Variants in GDF11 observed in about 807,000 individuals in gnomAD.
The protein encoded by GDF11 is growth differentiation factor 11.
A neutral mutation model predicts 34.4 loss-of-function variants in GDF11; 12 were observed. That is an observed-to-expected ratio of 0.35 (90% confidence interval 0.22 to 0.57). The LOEUF is 0.57. Ranked by LOEUF, GDF11 falls within the 20% of genes least tolerant of loss-of-function variation. The probability of loss-of-function intolerance (pLI) is 0.86; values close to 1 mark genes in which losing one functional copy is unlikely to be tolerated. For missense variants in GDF11, 346 were observed against 548.2 expected (o/e 0.63, Z 3.68); for synonymous variants, 212 against 231.1 (o/e 0.92, Z 0.75).
In GDF11 at chr12:55,751,572, G is replaced by A. The variant is rs1342972452; in HGVS notation, c.*1690G>A. On this transcript the variant is annotated 3_prime_UTR_variant, in exon 3 of 3. Coordinates refer to ENST00000257868, the MANE Select transcript of GDF11 (RefSeq NM_005811.5). ...ATAACCAGGGCACCAGAGTAGTGGT[G>A]AAGAGATGTGAGGCTTAAGAGGAGT... 1.3e-5 allele frequency: 2 copies of A among 152,232 alleles called. No homozygotes were observed. The highest frequency in any genetic ancestry group is 2.9e-5 in the Non-Finnish European group (2 of 68,058). The allele number at this position is 152,232 out of a possible 1,614,324, so 9.4% of individuals were successfully genotyped here.
Position 55,750,170 on chromosome 12 carries a change from G to A in GDF11, c.*288G>A. 2.8e-6 allele frequency: 1 copy of A among 359,462 alleles called. No homozygotes were observed. 22.3% of individuals were successfully genotyped at this position (359,462 alleles called of 1,614,324 possible). A position where few individuals can be genotyped will look rare whatever the true frequency, so the allele number is the denominator to read the frequency against. On this transcript the variant is annotated 3_prime_UTR_variant, in exon 3 of 3. Coordinates refer to ENST00000257868, the MANE Select transcript of GDF11 (RefSeq NM_005811.5). The stretch of plus-strand genomic sequence containing the variant: ...TGTAGAGACAGTGATAGAGACAGAG[G>A]AACAAAAAGAGCAGCAGTGAGAAGG...
At position 55,754,282 on chromosome 12, in the gene GDF11, CA is replaced by C. The variant is rs1223568642; in HGVS notation, c.*4402del. The stretch of plus-strand genomic sequence containing the variant: ...AGAGAACACCCAAAAAAAGACTACT[CA>C]AGATGACTTTTTACAAGTCTTTTCT... On this transcript the variant is annotated 3_prime_UTR_variant, in exon 3 of 3. Coordinates refer to ENST00000257868, the MANE Select transcript of GDF11 (RefSeq NM_005811.5). 6.6e-6 allele frequency: 1 copy of C among 152,226 alleles called. No homozygotes were observed. The highest frequency in any genetic ancestry group is 1.9e-4 in the East Asian group (1 of 5,202). The allele number at this position is 152,226 out of a possible 1,614,324, so 9.4% of individuals were successfully genotyped here. A position where few individuals can be genotyped will look rare whatever the true frequency, so the allele number is the denominator to read the frequency against.
rs953883546 is a variant in GDF11, at chr12:55,752,458, C to T, written c.*2576C>T. ...CTCATTCCCCTGTTCCTCCCTACCC[C>T]CAAAGAGGCACAGAGTGAAGGGACT... On this transcript the variant is annotated 3_prime_UTR_variant, in exon 3 of 3. Transcript: ENST00000257868. 2 of 152,042 alleles carry T rather than the reference C, an allele frequency of 1.3e-5. No homozygotes were observed. Among genetic ancestry groups the T allele is most frequent in the Non-Finnish European group, 2.9e-5 (2 of 68,014 alleles). The allele number at this position is 152,042 out of a possible 1,614,324, so 9.4% of individuals were successfully genotyped here. A position where few individuals can be genotyped will look rare whatever the true frequency, so the allele number is the denominator to read the frequency against.
intron 1 of GDF11, among the ~76,000 whole-genome samples, chr12:55,745,400 C>T (rs1878159879): frequency 6.6e-6 from 1 of 152,016 alleles, no homozygotes; most frequent in South Asian, 2.1e-4. Flanking sequence ...ACCCTGCCTT[C>T]ATGAGTTGGG....
rs151157196 is a variant in GDF11, at chr12:55,748,787, G to A, written c.647G>A (p.Arg216Gln). 1.1e-5 allele frequency: 18 copies of A among 1,614,170 alleles called. No individual in the cohort carries two copies. The highest frequency in any genetic ancestry group is 8.0e-5 in the African/African-American group (6 of 75,066). The stretch of plus-strand genomic sequence containing the variant: ...ACCGCAGGGGGAGGGGGCGGAGGCC[G>A]GCGTCACATCCGTATCCGCTCACTG... The part of the protein sequence containing the change: ...EGTAGGGGGG[R>Q]RHIRIRSLKI... Residue 216 changes from arginine to glutamine, a missense_variant, in exon 2 of 3, where the codon CGG becomes CAG. By Grantham distance (43) the Arg-to-Gln change is conservative. Around this residue, in one of 3 missense-constraint regions of GDF11, gnomAD observed 205 missense variants for 311.3 expected, o/e 0.66. Coordinates refer to ENST00000257868, the MANE Select transcript of GDF11 (RefSeq NM_005811.5). This position sits in a 1 kb window ranked among gnomAD's most constrained non-coding sequence, Gnocchi z 5.6.
rs1469073323 is a variant in GDF11, at chr12:55,754,831, T to TC, written c.*4950dup. On this transcript the variant is annotated 3_prime_UTR_variant, in exon 3 of 3. Transcript: ENST00000257868. Reference sequence around the variant, plus strand: ...AAAGAGAATGATTATCTGCGCAGGGTCTCAGAGCTAGTGTGGTAGAATAAG... The same window carrying TC: ...AAAGAGAATGATTATCTGCGCAGGGTCCTCAGAGCTAGTGTGGTAGAATAAG... The TC allele has an allele frequency of 1.3e-5, 2 of 152,156 alleles. No individual in the cohort carries two copies. The highest frequency in any genetic ancestry group is 2.4e-5 in the African/African-American group (1 of 41,438). 9.4% of individuals were successfully genotyped at this position (152,156 alleles called of 1,614,324 possible). A position where few individuals can be genotyped will look rare whatever the true frequency, so the allele number is the denominator to read the frequency against.
At chr12:55,745,441 G>A (rs989073570) in intron 1 of GDF11, among the ~76,000 whole-genome samples, 1 of 151,912 alleles carries the variant, frequency 6.6e-6, no homozygotes, top group Non-Finnish European at 1.5e-5. Flanking sequence ...TCGGTGGGAA[G>A]GGGACACCAG....
intron 1 of GDF11, 48 bp downstream of exon 1, chr12:55,743,809 G>A: frequency 7.1e-7 from 1 of 1,414,546 alleles, no homozygotes; most frequent in South Asian, 1.4e-5. Flanking sequence ...CTCTGGCCCC[G>A]CGAAGGGCGC....
In GDF11 at chr12:55,743,512, G is replaced by T. The variant is rs1878110166; in HGVS notation, c.196G>T (p.Val66Phe). The change falls in exon 1 of 3, where the codon GTT becomes TTT. Residue 66 changes from valine (V) to phenylalanine (F), a missense_variant. Physicochemically the swap from Val to Phe is conservative, Grantham distance 50. Transcript: ENST00000257868. ...CGAGCCGGACGGCTGCCCCGTGTGC[G>T]TTTGGCGGCAGCACAGCCGCGAGCT... ...APEPDGCPVC[V>F]WRQHSRELRL... The T allele has an allele frequency of 6.3e-7, 1 of 1,592,526 alleles. No individual in the cohort carries two copies. The highest frequency in any genetic ancestry group is 1.1e-5 in the South Asian group (1 of 90,008).
Position 55,750,211 on chromosome 12 carries a change from A to G in GDF11, c.*329A>G. On this transcript the variant is annotated 3_prime_UTR_variant, in exon 3 of 3. Coordinates refer to ENST00000257868, the MANE Select transcript of GDF11 (RefSeq NM_005811.5). ...AGTGAGAAGGCAAAGAGAGAGGCAG[A>G]AGAGACAGACGAGGCAGAGACAAAA... The G allele has an allele frequency of 3.6e-6, 1 of 280,702 alleles. No homozygotes were observed. Among genetic ancestry groups the G allele is most frequent in the Non-Finnish European group, 6.7e-6 (1 of 149,104 alleles). 17.4% of individuals were successfully genotyped at this position (280,702 alleles called of 1,614,324 possible).
rs1156854090 is a variant in GDF11, at chr12:55,756,849, ACCCTTGAAATCAGGG to A, written c.*6973_*6987del. The A allele has an allele frequency of 2.0e-5, 3 of 152,054 alleles. No individual in the cohort carries two copies. The highest frequency in any genetic ancestry group is 4.8e-5 in the African/African-American group (2 of 41,374). The allele number at this position is 152,054 out of a possible 1,614,324, so 9.4% of individuals were successfully genotyped here. On this transcript the variant is annotated 3_prime_UTR_variant, in exon 3 of 3. Coordinates refer to ENST00000257868, the MANE Select transcript of GDF11 (RefSeq NM_005811.5). ...GACCAACATAGTATCGTATCACATC[ACCCTTGAAATCAGGG>A]CCCTTTTCCTTTAATGTGGGACCCT...
chr12:55,749,107 G>A lies in GDF11; in HGVS notation c.843+124G>A. On this transcript the variant is annotated intron_variant, in intron 2 of 2. Coordinates refer to ENST00000257868, the MANE Select transcript of GDF11 (RefSeq NM_005811.5). This position sits in a 1 kb window ranked among gnomAD's most constrained non-coding sequence, Gnocchi z 5.6. ...GACCAGCATTACTTCTCTGGGGTCA[G>A]CAGCTGATTCTAGAGGAGGAGGTGA... 1.0e-6 allele frequency: 1 copy of A among 1,000,646 alleles called. No individual in the cohort carries two copies. Among genetic ancestry groups the A allele is most frequent in the Non-Finnish European group, 1.4e-6 (1 of 700,870 alleles). The allele number at this position is 1,000,646 out of a possible 1,614,324, so 62.0% of individuals were successfully genotyped here.
At chr12:55,743,976 G>A (rs1878123885) in intron 1 of GDF11, among the ~76,000 whole-genome samples, 1 of 152,254 alleles carries the variant, frequency 6.6e-6, no homozygotes, top group African/African-American at 2.4e-5. Flanking sequence ...CGGAGGTTGG[G>A]GCGGGGGAAA....
Position 55,752,747 on chromosome 12 carries a change from C to G in GDF11, c.*2865C>G, listed in dbSNP as rs1011446181. On this transcript the variant is annotated 3_prime_UTR_variant, in exon 3 of 3. Transcript: ENST00000257868. ...GAGGGAACCACTGCAAAAAGGCCAT[C>G]AGGCAGTTTTCAAGTTATGTGACAG... 6.6e-6 allele frequency: 1 copy of G among 152,036 alleles called. No homozygotes were observed. The highest frequency in any genetic ancestry group is 2.1e-4 in the South Asian group (1 of 4,822). The allele number at this position is 152,036 out of a possible 1,614,324, so 9.4% of individuals were successfully genotyped here.
rs1389632510 is a variant in GDF11 at position 55,748,768 on chromosome 12, G to C, written c.628G>C (p.Gly210Arg). Residue 210 changes from glycine (G) to arginine (R), a missense_variant, in exon 2 of 3, where the codon GGG (glycine) becomes CGG (arginine). This residue lies in a region of GDF11 where 205 missense variants were observed against 311.3 expected (regional missense o/e 0.66). Coordinates refer to ENST00000257868, the MANE Select transcript of GDF11 (RefSeq NM_005811.5). The surrounding 1 kb of genome is among the most constrained non-coding windows in gnomAD (Gnocchi z 5.6). The stretch of plus-strand genomic sequence containing the variant: ...ACCCCTAACTGGGGAAGGGACCGCA[G>C]GGGGAGGGGGCGGAGGCCGGCGTCA... The part of the protein sequence containing the change: ...LKPLTGEGTA[G>R]GGGGGRRHIR... 1 of 1,614,238 alleles carries C rather than the reference G, an allele frequency of 6.2e-7. No individual in the cohort carries two copies. Among genetic ancestry groups the C allele is most frequent in the South Asian group, 1.1e-5 (1 of 91,090 alleles).
At chr12:55,747,015 A>G (rs1878199887) in intron 1 of GDF11, among the ~76,000 whole-genome samples, 1 of 152,216 alleles carries the variant, frequency 6.6e-6, no homozygotes, top group Admixed American at 6.5e-5. Flanking sequence ...TGGTGAGCAA[A>G]ACAGACACAG....
chr12:55,744,637 CT>C (rs1878140759), intron 1 of GDF11, among the ~76,000 whole-genome samples: 1 of 151,906 alleles, frequency 6.6e-6, no homozygotes, highest in Non-Finnish European at 1.5e-5. Flanking sequence ...CAGGCGAATA[CT>C]ACACCCCCCC....
chr12:55,751,848 G>A lies in GDF11; in HGVS notation c.*1966G>A, dbSNP rs1489063778. On this transcript the variant is annotated 3_prime_UTR_variant, in exon 3 of 3. Transcript: ENST00000257868. ...GAACTAAAGTAAAGCCCAAGCTGGT[G>A]AGCAAAACTGGATGGCTCATTCTTC... The A allele has an allele frequency of 6.6e-6, 1 of 152,232 alleles. No individual in the cohort carries two copies. Among genetic ancestry groups the A allele is most frequent in the Non-Finnish European group, 1.5e-5 (1 of 68,072 alleles). The allele number at this position is 152,232 out of a possible 1,614,324, so 9.4% of individuals were successfully genotyped here.
Position 55,749,517 on chromosome 12 carries a change from C to T in GDF11, c.859C>T (p.Leu287Phe). ...GAEGLHPFME[L>F]RVLENTKRSR... ...TGACCCTCAGCATCCATTCATGGAG[C>T]TTCGAGTCCTAGAGAACACAAAACG... Residue 287 changes from leucine to phenylalanine, a missense_variant, in exon 3 of 3, where the codon CTT (leucine) becomes TTT (phenylalanine). By Grantham distance (22) the Leu-to-Phe change is conservative (BLOSUM62 0). Coordinates refer to ENST00000257868, the MANE Select transcript of GDF11 (RefSeq NM_005811.5). The surrounding 1 kb of genome is among the most constrained non-coding windows in gnomAD (Gnocchi z 5.6). 2 of 1,608,944 alleles carry T rather than the reference C, an allele frequency of 1.2e-6. No individual in the cohort carries two copies. The highest frequency in any genetic ancestry group is 1.7e-6 in the Non-Finnish European group (2 of 1,175,994).
Sources: allele counts gnomAD v4.1 joint callset (sites outside exome capture counted in the v4.1 genomes callset), GRCh38; gene constraint gnomAD v4.1.1; regional missense constraint gnomAD v4.1.1; non-coding constraint Gnocchi (gnomAD v3.1); transcripts MANE v1.5; gene names NCBI Gene and HGNC (gene_info 2026-07-23, HGNC 2026-07-21).